Variants in KCNQ1 observed in about 807,000 individuals in gnomAD.
The protein encoded by KCNQ1 is potassium voltage-gated channel subfamily KQT member 1.
A neutral mutation model predicts 72.4 loss-of-function variants in KCNQ1; 49 were observed. That is an observed-to-expected ratio of 0.68 (90% confidence interval 0.54 to 0.86). The LOEUF (loss-of-function observed/expected upper bound fraction) is 0.86. KCNQ1 is among the 40% of genes least tolerant of loss of function. The pLI, the probability that KCNQ1 is intolerant of heterozygous loss-of-function variation, is 0.00. For missense variants in KCNQ1, 790 were observed against 945.1 expected (o/e 0.84, Z 2.15); for synonymous variants, 450 against 412.6 (o/e 1.09, Z -1.10).
At chr11:2,780,248 A>G (rs1256280150) in intron 15 of KCNQ1, among the ~76,000 whole-genome samples, 1 of 152,288 alleles carries the variant, frequency 6.6e-6, no homozygotes, top group Non-Finnish European at 1.5e-5. Flanking sequence ...TGCACCCCTC[A>G]GGGACAGACC....
rs970246574 is a variant in KCNQ1 at position 2,828,235 on chromosome 11, A to T, written c.1795-19532A>T. On this transcript the variant is annotated intron_variant, in intron 15 of 15. Transcript: ENST00000155840. The surrounding 1 kb of genome is among the most constrained non-coding windows in gnomAD (Gnocchi z 5.3). ...AAACTCTGAGAAGTCAGGACAGGAG[A>T]TGGTGTCGTCAGGGGGCTGCTGGAA... is the stretch of plus-strand genomic sequence containing the variant. Among the ~76,000 whole-genome samples the T allele has an allele frequency of 9.2e-5, 14 of 152,102 alleles. No homozygotes were observed. Among genetic ancestry groups the T allele is most frequent in the Admixed American group, 2.6e-4 (4 of 15,268 alleles).
intron 10 of KCNQ1, chr11:2,610,197 G>T: frequency 2.5e-6 from 1 of 397,524 alleles, no homozygotes; most frequent in Non-Finnish European, 4.4e-6. Flanking sequence ...TTGCTCTAGG[G>T]CTTACCTTAT....
At chr11:2,776,573 C>T (rs928553695) in intron 13 of KCNQ1, among the ~76,000 whole-genome samples, 1 of 152,214 alleles carries the variant, frequency 6.6e-6, no homozygotes, top group African/African-American at 2.4e-5. Flanking sequence ...ACCATCCTCC[C>T]GGGCCTGCAC....
chr11:2,837,043 G>A (rs1848079481), intron 15 of KCNQ1, among the ~76,000 whole-genome samples: 1 of 152,180 alleles, frequency 6.6e-6, no homozygotes, highest in Non-Finnish European at 1.5e-5. Context: ...CCCGTGGGCT[G>A]GGGGCACGGG....
chr11:2,459,209 T>C (rs1846239161), intron 1 of KCNQ1, among the ~76,000 whole-genome samples: 1 of 152,168 alleles, frequency 6.6e-6, no homozygotes, highest in Non-Finnish European at 1.5e-5. Flanking sequence ...GTGGGGACAC[T>C]GTGGTCTGTC....
In KCNQ1 at chr11:2,661,921, G is replaced by A. The variant is rs765230551; in HGVS notation, c.1394-40G>A. On this transcript the variant is annotated intron_variant, in intron 10 of 15. Coordinates refer to ENST00000155840, the MANE Select transcript of KCNQ1 (RefSeq NM_000218.3). This position sits in a 1 kb window ranked among gnomAD's most constrained non-coding sequence, Gnocchi z 5.9. ...TGGCTCCACAGCACTGGCAGGTTGG[G>A]TGGGAGGCCTAACGTGCTGTCCCCA... 3 of 1,613,840 alleles carry A rather than the reference G, an allele frequency of 1.9e-6. No homozygotes were observed. Among genetic ancestry groups the A allele is most frequent in the Non-Finnish European group, 2.5e-6 (3 of 1,179,952 alleles).
At chr11:2,534,616 G>T (rs191350533) in intron 2 of KCNQ1, among the ~76,000 whole-genome samples, 1 of 152,214 alleles carries the variant, frequency 6.6e-6, no homozygotes, top group Non-Finnish European at 1.5e-5. Context: ...AGGGACGGGG[G>T]TACCCACTCC....
chr11:2,582,257 G>A (rs771254354), intron 6 of KCNQ1, among the ~76,000 whole-genome samples: 5 of 152,214 alleles, frequency 3.3e-5, no homozygotes, highest in Non-Finnish European at 2.9e-5. Flanking sequence ...ACCCCTGCCC[G>A]GGGGTGGCCA....
At chr11:2,453,741 C>T (rs1481741650) in intron 1 of KCNQ1, among the ~76,000 whole-genome samples, 2 of 152,216 alleles carry the variant, frequency 1.3e-5, no homozygotes, top group Admixed American at 1.3e-4. Context: ...CCAGCAACCC[C>T]CTCCCCAGAA....
intron 10 of KCNQ1, among the ~76,000 whole-genome samples, chr11:2,591,704 G>A (rs980855723): frequency 6.6e-6 from 1 of 152,254 alleles, no homozygotes; most frequent in African/African-American, 2.4e-5. Flanking sequence ...TCTGCGGAAT[G>A]TTAATGAGGG....
intron 11 of KCNQ1, chr11:2,686,321 C>A: frequency 7.5e-6 from 3 of 398,696 alleles, no homozygotes; most frequent in Non-Finnish European, 1.3e-5. Flanking sequence ...GTCACCTGGC[C>A]CGTCCCACCT....
chr11:2,572,720 A>C (rs964378136), intron 5 of KCNQ1, 126 bp from the exon 6 acceptor site: 3 of 1,262,076 alleles, frequency 2.4e-6, no homozygotes, highest in Non-Finnish European at 3.4e-6. Context: ...GGCCCTGTGC[A>C]TGTGAACCGC....
At chr11:2,694,733 A>G (rs1033887409) in intron 11 of KCNQ1, 13 of 398,522 alleles carry the variant, frequency 3.3e-5, no homozygotes, top group African/African-American at 2.3e-4. Flanking sequence ...GGCAGCCAAC[A>G]AATAAGTAGA....
chr11:2,776,234 G>A lies in KCNQ1; in HGVS notation c.1685+180G>A, dbSNP rs562540191. Among the ~76,000 whole-genome samples the A allele has an allele frequency of 6.3e-4, 96 of 152,230 alleles. 2 individuals carry two copies. The highest frequency in any genetic ancestry group is 1.2e-3 in the South Asian group (6 of 4,830). ...AGGGAGGGCAGCTGGCCACGGCCAC[G>A]GTTCACAGCCAGCCCACCAGGCAGC... On this transcript the variant is annotated intron_variant, in intron 13 of 15. Coordinates refer to ENST00000155840, the MANE Select transcript of KCNQ1 (RefSeq NM_000218.3).
At chr11:2,571,927 C>T in intron 4 of KCNQ1, 86 bp from the exon 5 acceptor site, 1 of 1,089,422 alleles carries the variant, frequency 9.2e-7, no homozygotes, top group Non-Finnish European at 1.4e-6. Flanking sequence ...GGGGCAGGGA[C>T]ACCCATGCCA....
chr11:2,519,716 C>T (rs1375315521), intron 1 of KCNQ1, among the ~76,000 whole-genome samples: 1 of 152,190 alleles, frequency 6.6e-6, no homozygotes, highest in Non-Finnish European at 1.5e-5. Context: ...AATTCAAAAT[C>T]TACCAATAGT....
rs112398913 is a variant in KCNQ1, at chr11:2,457,814, GAAAA to G, written c.386+12341_386+12344del. ...TAAAATGGAAACTTTTGGCATGGGA[GAAAA>G]AAAAAAAAAACAGATGTAAGTTAGA... On this transcript the variant is annotated intron_variant, in intron 1 of 15. Transcript: ENST00000155840. This position sits in a 1 kb window ranked among gnomAD's most constrained non-coding sequence, Gnocchi z 5.0. 7.9e-6 allele frequency among the ~76,000 whole-genome samples: 1 copy of G among 126,154 alleles called. No homozygotes were observed. The highest frequency in any genetic ancestry group is 1.7e-5 in the Non-Finnish European group (1 of 58,556). 82.8% of individuals were successfully genotyped at this position (126,154 alleles called of 152,430 possible).
intron 10 of KCNQ1, chr11:2,641,347 T>C (rs1362079111): frequency 7.5e-6 from 3 of 398,352 alleles, no homozygotes; most frequent in Non-Finnish European, 1.3e-5. Context: ...ATAGCCATTC[T>C]CACTATGGTT....
chr11:2,648,082 G>A (rs1849694664), intron 10 of KCNQ1: 3 of 397,158 alleles, frequency 7.6e-6, no homozygotes, highest in East Asian at 3.6e-5. Context: ...GCGAGGTGTG[G>A]TGCTGCACAT....
Sources: gnomAD v4.1 joint callset for allele counts (sites outside exome capture counted in the v4.1 genomes callset) on GRCh38, gnomAD v4.1.1 for gene constraint, Gnocchi (gnomAD v3.1) non-coding constraint, MANE v1.5 for transcripts, NCBI Gene and HGNC (gene_info 2026-07-23, HGNC 2026-07-21) for gene names.